The following TMPRSS11E variants were observed in gnomAD, a reference collection of about 807,000 sequenced individuals.
The protein encoded by TMPRSS11E is transmembrane serine protease 11E.
TMPRSS11E carries 38 observed loss-of-function variants against 48.1 expected under a neutral mutation model. That is an observed-to-expected ratio of 0.79 (90% CI 0.61 to 1.04). TMPRSS11E has a LOEUF of 1.04. TMPRSS11E is among the 50% of genes least tolerant of loss of function. TMPRSS11E has a pLI of 0.00. For synonymous variants in TMPRSS11E, 158 were observed against 171.9 expected, an observed-to-expected ratio of 0.92 and a Z score of 0.63; for missense variants, 530 against 510.8, an observed-to-expected ratio of 1.04 and a Z score of -0.36.
At position 68,461,973 on chromosome 4, in the gene TMPRSS11E, T is replaced by G. The variant is rs1399113147; in HGVS notation, c.136+28T>G. 1.9e-6 allele frequency: 3 copies of G among 1,613,134 alleles called. No homozygotes were observed. In the African/African-American group the frequency reaches 4.0e-5, roughly 21 times the overall value. On this transcript the variant is annotated intron_variant, in intron 2 of 9. Transcript: ENST00000305363. ...AAGTATAAGCTGCCTTGGCATCATG[T>G]GATTTACCCCAAATATTTCCTCATA...
intron 1 of TMPRSS11E, among the ~76,000 whole-genome samples, chr4:68,453,186 C>A (rs1728544195): frequency 6.6e-6 from 1 of 152,056 alleles, no homozygotes; most frequent in African/African-American, 2.4e-5. Flanking sequence ...CAATGGCCAA[C>A]TTTTGTGGTG....
intron 9 of TMPRSS11E, among the ~76,000 whole-genome samples, chr4:68,488,674 G>A (rs1729630628): frequency 1.3e-5 from 2 of 150,656 alleles, no homozygotes; most frequent in Non-Finnish European, 2.9e-5. Flanking sequence ...GAGTAGCTGG[G>A]ATTACAGGGG....
intron 1 of TMPRSS11E, among the ~76,000 whole-genome samples, chr4:68,452,770 C>T (rs1052387965): frequency 5.9e-5 from 9 of 151,914 alleles, no homozygotes; most frequent in Non-Finnish European, 1.2e-4. Context: ...ATATTTCAAA[C>T]CAATCTTTTA....
Position 68,496,741 on chromosome 4 carries a change from G to C in TMPRSS11E, c.1209G>C (p.Lys403Asn). Residue 403 changes from lysine (K) to asparagine (N), a missense_variant, in exon 10 of 10, where the codon AAG becomes AAC. Lys to Asn is a moderately conservative substitution (Grantham distance 94). Coordinates refer to ENST00000305363, the MANE Select transcript of TMPRSS11E (RefSeq NM_014058.4). The stretch of plus-strand genomic sequence containing the variant: ...GAGATGAATGTGCGAAACCCAACAA[G>C]CCTGGTGTTTATACTAGAGTTACGG... The part of the protein sequence containing the change: ...SWGDECAKPN[K>N]PGVYTRVTAL... The C allele has an allele frequency of 6.2e-7, 1 of 1,613,666 alleles. No individual in the cohort carries two copies. Among genetic ancestry groups the C allele is most frequent in the Non-Finnish European group, 8.5e-7 (1 of 1,179,694 alleles).
intron 1 of TMPRSS11E, among the ~76,000 whole-genome samples, chr4:68,461,000 C>G (rs1247936257): frequency 7.9e-5 from 12 of 151,876 alleles, no homozygotes; most frequent in Admixed American, 7.9e-4. Context: ...CCTGCCTCAG[C>G]CTCCAGAGTA....
chr4:68,456,631 A>G (rs1728639248), intron 1 of TMPRSS11E, among the ~76,000 whole-genome samples: 1 of 152,054 alleles, frequency 6.6e-6, no homozygotes, highest in Non-Finnish European at 1.5e-5. Context: ...CATCTCAAAT[A>G]CTTTTGTTGA....
intron 7 of TMPRSS11E, 108 bp downstream of exon 7, chr4:68,476,546 AT>A: frequency 8.5e-7 from 1 of 1,174,024 alleles, no homozygotes; most frequent in Non-Finnish European, 1.2e-6. Flanking sequence ...TAAATTAAAA[AT>A]AGTGTGTATA....
At chr4:68,483,242 C>T (rs1729458331) in intron 9 of TMPRSS11E, among the ~76,000 whole-genome samples, 1 of 97,306 alleles carries the variant, frequency 1.0e-5, no homozygotes, top group Non-Finnish European at 2.2e-5. Flanking sequence ...GTGGTGAAAG[C>T]AGGAGCGAGA....
At chr4:68,461,799 A>T (rs549678807) in intron 1 of TMPRSS11E, 22 bp from the exon 2 acceptor site, 1 of 1,613,878 alleles carries the variant, frequency 6.2e-7, no homozygotes, top group South Asian at 1.1e-5. Flanking sequence ...GAAATAATCT[A>T]TCTATTTATT....
chr4:68,455,740 A>T lies in TMPRSS11E; in HGVS notation c.12-6081A>T, dbSNP rs571927812. 1.6e-4 allele frequency among the ~76,000 whole-genome samples: 25 copies of T among 152,000 alleles called. 1 individual carries two copies. The highest frequency in any genetic ancestry group is 1.4e-3 in the Admixed American group (22 of 15,238). On this transcript the variant is annotated intron_variant, in intron 1 of 9. Transcript: ENST00000305363. Reference sequence around the variant, plus strand: ...ATTCTTATTTTTCTTCCACATTTTGAAGTGTGTAAAATTCCCTATGATTGG... The same window carrying T: ...ATTCTTATTTTTCTTCCACATTTTGTAGTGTGTAAAATTCCCTATGATTGG...
chr4:68,455,765 G>T (rs777117796), intron 1 of TMPRSS11E, among the ~76,000 whole-genome samples: 15 of 151,818 alleles, frequency 9.9e-5, no homozygotes, highest in Non-Finnish European at 1.8e-4. Flanking sequence ...CCTATGATTG[G>T]CTGCAATGGC....
chr4:68,479,862 T>A (rs35890966), intron 9 of TMPRSS11E, among the ~76,000 whole-genome samples: 41,770 of 151,954 alleles, frequency 0.27, 6,415 homozygotes, highest in Middle Eastern at 0.43. Flanking sequence ...AGTATAGGTA[T>A]GCTGGTGAAA....
At chr4:68,460,145 C>T (rs1389651219) in intron 1 of TMPRSS11E, among the ~76,000 whole-genome samples, 1 of 152,130 alleles carries the variant, frequency 6.6e-6, no homozygotes, top group Non-Finnish European at 1.5e-5. Context: ...CCCCTGGAGC[C>T]TTCCACTACA....
At chr4:68,469,433 A>T (rs1373666805) in intron 4 of TMPRSS11E, among the ~76,000 whole-genome samples, 5 of 152,004 alleles carry the variant, frequency 3.3e-5, no homozygotes, top group Non-Finnish European at 5.9e-5. Flanking sequence ...CATAATGTTA[A>T]GGAAAATATT....
intron 4 of TMPRSS11E, among the ~76,000 whole-genome samples, chr4:68,470,672 T>G (rs981663483): frequency 6.6e-6 from 1 of 151,904 alleles, no homozygotes; most frequent in Non-Finnish European, 1.5e-5. Flanking sequence ...ATGAGAGTAG[T>G]GGTTGATGCA....
intron 1 of TMPRSS11E, among the ~76,000 whole-genome samples, chr4:68,454,675 A>G (rs891043468): frequency 1.7e-4 from 26 of 151,916 alleles, no homozygotes; most frequent in African/African-American, 6.3e-4. Flanking sequence ...TGTTACATGT[A>G]GAAATTTCTA....
At chr4:68,451,741 C>T (rs545751985) in intron 1 of TMPRSS11E, among the ~76,000 whole-genome samples, 1 of 151,868 alleles carries the variant, frequency 6.6e-6, no homozygotes, top group Non-Finnish European at 1.5e-5. Context: ...AACTTTATAT[C>T]AACCTATGGT....
Position 68,466,733 on chromosome 4 carries a change from G to A in TMPRSS11E, c.239G>A (p.Ser80Asn), listed in dbSNP as rs1162895541. 17 of 1,613,518 alleles carry A rather than the reference G, an allele frequency of 1.1e-5. No homozygotes were observed. Among genetic ancestry groups the A allele is most frequent in the Admixed American group, 1.7e-5 (1 of 59,940 alleles). ...REASNNFTEM[S>N]QRLESMVKNA... ...GCTTCTAACAATTTTACAGAAATGA[G>A]CCAGAGACTTGAATCAATGGTAAGC... Residue 80 changes from serine (S) to asparagine (N), a missense_variant, in exon 3 of 10, where the codon AGC becomes AAC. Transcript: ENST00000305363.
Position 68,466,735 on chromosome 4 carries a change from C to G in TMPRSS11E, c.241C>G (p.Gln81Glu). 1 of 1,613,586 alleles carries G rather than the reference C, an allele frequency of 6.2e-7. No homozygotes were observed. The highest frequency in any genetic ancestry group is 8.5e-7 in the Non-Finnish European group (1 of 1,179,658). The part of the protein sequence containing the change: ...EASNNFTEMS[Q>E]RLESMVKNAF... ...TTCTAACAATTTTACAGAAATGAGC[C>G]AGAGACTTGAATCAATGGTAAGCAA... Residue 81 changes from glutamine to glutamate, a missense_variant, in exon 3 of 10, where the codon CAG (glutamine) becomes GAG (glutamate). Physicochemically the swap from Gln to Glu is conservative, Grantham distance 29 (BLOSUM62 2). Transcript: ENST00000305363.
Sources: gnomAD v4.1 joint callset for allele counts (sites outside exome capture counted in the v4.1 genomes callset) on GRCh38, gnomAD v4.1.1 for gene constraint, MANE v1.5 for transcripts, NCBI Gene and HGNC (gene_info 2026-07-23, HGNC 2026-07-21) for gene names.